KCNIP4: variants seen among roughly 807,000 people sequenced by gnomAD.
KCNIP4 encodes the protein Kv channel-interacting protein 4.
Under a neutral mutation model 34.0 loss-of-function variants are expected in KCNIP4, and 12 were observed. The ratio of observed to expected loss-of-function variants is 0.35; its 90% confidence interval spans 0.23 to 0.57. The LOEUF (loss-of-function observed/expected upper bound fraction) is 0.57. KCNIP4 is among the 20% of genes least tolerant of loss of function. The pLI, the probability that KCNIP4 is intolerant of heterozygous loss-of-function variation, is 0.83. For synonymous variants in KCNIP4, 124 were observed against 102.2 expected, an observed-to-expected ratio of 1.21 and a Z score of -1.29; for missense variants, 238 against 311.7, an observed-to-expected ratio of 0.76 and a Z score of 1.78.
intron 1 of KCNIP4, among the ~76,000 whole-genome samples, chr4:21,652,154 T>C (rs745863586): frequency 3.9e-5 from 6 of 152,214 alleles, no homozygotes; most frequent in Non-Finnish European, 7.3e-5. Context: ...GTGCTTCTCA[T>C]TGATCTACCT....
chr4:20,802,012 A>G (rs903615296), intron 3 of KCNIP4, among the ~76,000 whole-genome samples: 1 of 151,690 alleles, frequency 6.6e-6, no homozygotes, highest in Non-Finnish European at 1.5e-5. Context: ...TCAATTAAAA[A>G]AACTATCAGA....
At chr4:20,872,665 C>A (rs544233382) in intron 2 of KCNIP4, among the ~76,000 whole-genome samples, 3 of 152,128 alleles carry the variant, frequency 2.0e-5, no homozygotes, top group East Asian at 3.9e-4. Flanking sequence ...ACCTTGGTTA[C>A]CATTATGAAA....
intron 1 of KCNIP4, among the ~76,000 whole-genome samples, chr4:20,976,499 T>A (rs1261400932): frequency 6.6e-6 from 1 of 152,206 alleles, no homozygotes; most frequent in Non-Finnish European, 1.5e-5. Context: ...AACCCCATTA[T>A]ATGGAAAAGG....
chr4:21,054,561 G>T (rs1577606124), intron 1 of KCNIP4, among the ~76,000 whole-genome samples: 1 of 150,498 alleles, frequency 6.6e-6, no homozygotes, highest in South Asian at 2.1e-4. Context: ...GAATGGAATA[G>T]AAAAAAGAAT....
At chr4:21,671,788 A>G (rs937583881) in intron 1 of KCNIP4, among the ~76,000 whole-genome samples, 9 of 152,268 alleles carry the variant, frequency 5.9e-5, no homozygotes, top group African/African-American at 2.2e-4. Flanking sequence ...AACGGCTTGC[A>G]AGAATAAATG....
chr4:20,748,592 ATATATATATATATTC>A (rs1302388671), intron 5 of KCNIP4, among the ~76,000 whole-genome samples: 13 of 132,542 alleles, frequency 9.8e-5, no homozygotes, highest in Non-Finnish European at 1.1e-4. Flanking sequence ...ATATATATAT[ATATATATATATATTC>A]CATAAGTAAA....
chr4:21,788,716 A>G (rs758944851), intron 1 of KCNIP4, among the ~76,000 whole-genome samples: 7 of 152,168 alleles, frequency 4.6e-5, no homozygotes, highest in Admixed American at 2.0e-4. Flanking sequence ...CCCGACCTAC[A>G]TGAGCCCCTG....
chr4:20,802,101 A>ATATATATATGCTATATATATGC (rs200641591), intron 3 of KCNIP4, among the ~76,000 whole-genome samples: 2 of 118,282 alleles, frequency 1.7e-5, no homozygotes, highest in Admixed American at 7.8e-5. Context: ...TACATATTGC[A>ATATATATATGCTATATATATGC]TATATATATG....
chr4:20,937,329 G>C (rs1183348639), intron 1 of KCNIP4, among the ~76,000 whole-genome samples: 4 of 139,208 alleles, frequency 2.9e-5, no homozygotes, highest in Non-Finnish European at 6.0e-5. Context: ...CCACCTCCCA[G>C]GTTCATGCCA....
At chr4:21,390,095 A>G (rs113296069) in intron 1 of KCNIP4, among the ~76,000 whole-genome samples, 11,978 of 151,096 alleles carry the variant, frequency 0.079, 703 homozygotes, top group Non-Finnish European at 0.12. Flanking sequence ...CTGCATAAAT[A>G]TCTTCTTTTG....
chr4:21,274,889 T>G (rs1209877437), intron 1 of KCNIP4, among the ~76,000 whole-genome samples: 1 of 152,210 alleles, frequency 6.6e-6, no homozygotes, highest in Admixed American at 6.5e-5. Context: ...TGATTTTTTT[T>G]CTTCTTTTAA....
intron 3 of KCNIP4, among the ~76,000 whole-genome samples, chr4:20,780,964 G>A (rs762808073): frequency 6.6e-6 from 1 of 152,130 alleles, no homozygotes; most frequent in Non-Finnish European, 1.5e-5. Context: ...GGCTACAAAG[G>A]AATCAATGTA....
chr4:21,423,616 C>T (rs2109636794), intron 1 of KCNIP4, among the ~76,000 whole-genome samples: 1 of 152,284 alleles, frequency 6.6e-6, no homozygotes. Flanking sequence ...TTCTACACCT[C>T]CTCCCATCTC....
intron 1 of KCNIP4, among the ~76,000 whole-genome samples, chr4:21,773,737 T>C (rs1269190670): frequency 3.5e-4 from 10 of 28,230 alleles, no homozygotes; most frequent in Admixed American, 1.2e-3. Context: ...CCCCTGTTTT[T>C]TTTTGTTGTT....
chr4:21,287,474 A>AT (rs1181586026), intron 1 of KCNIP4, among the ~76,000 whole-genome samples: 16 of 152,324 alleles, frequency 1.1e-4, no homozygotes, highest in Admixed American at 7.8e-4. Flanking sequence ...AAAACTGGGC[A>AT]CTGCTCAAAG....
chr4:21,602,939 G>A (rs1053807033), intron 1 of KCNIP4, among the ~76,000 whole-genome samples: 1 of 152,076 alleles, frequency 6.6e-6, no homozygotes. Flanking sequence ...AAGATATAAT[G>A]TCCATGTTTA....
chr4:21,745,421 T>C (rs1716705171), intron 1 of KCNIP4, among the ~76,000 whole-genome samples: 1 of 152,176 alleles, frequency 6.6e-6, no homozygotes, highest in African/African-American at 2.4e-5. Context: ...GAGGTTATTG[T>C]TCCATTTAGA....
At chr4:21,559,769 C>T (rs545936439) in intron 1 of KCNIP4, among the ~76,000 whole-genome samples, 2 of 152,006 alleles carry the variant, frequency 1.3e-5, no homozygotes, top group Non-Finnish European at 2.9e-5. Flanking sequence ...TATTATTAGT[C>T]GATGGTTCCA....
chr4:21,689,907 C>T (rs368677082), intron 1 of KCNIP4, among the ~76,000 whole-genome samples: 1 of 151,830 alleles, frequency 6.6e-6, no homozygotes, highest in African/African-American at 2.4e-5. Flanking sequence ...GTTTTATTCA[C>T]CCTCCTTTAA....
Sources: gnomAD v4.1 joint callset for allele counts (sites outside exome capture counted in the v4.1 genomes callset) on GRCh38, gnomAD v4.1.1 for gene constraint, MANE v1.5 for transcripts, NCBI Gene and HGNC (gene_info 2026-07-23, HGNC 2026-07-21) for gene names.